The following ERMARD variants were observed in gnomAD, a reference collection of about 807,000 sequenced individuals.
ERMARD encodes endoplasmic reticulum membrane-associated RNA degradation protein.
A neutral mutation model predicts 83.9 loss-of-function variants in ERMARD; 71 were observed. The observed-to-expected ratio is 0.85, with a 90% CI of 0.70 to 1.03. ERMARD has a LOEUF of 1.03. Among genes scored for constraint, ERMARD ranks in the 50% least tolerant of loss-of-function variants. ERMARD has a pLI of 0.00. For missense variants in ERMARD, 838 were observed against 810.9 expected (o/e 1.03, Z -0.41); for synonymous variants, 284 against 298.6 (o/e 0.95, Z 0.50).
At chr6:169,769,375 C>T (rs1792610138) in intron 11 of ERMARD, among the ~76,000 whole-genome samples, 165 bp from the exon 12 acceptor site, 1 of 152,208 alleles carries the variant, frequency 6.6e-6, no homozygotes, top group African/African-American at 2.4e-5. Flanking sequence ...TCTCTGGCTC[C>T]CTGGTCTGTC....
intron 13 of ERMARD, among the ~76,000 whole-genome samples, chr6:169,774,651 C>T (rs900639707): frequency 2.2e-4 from 33 of 152,330 alleles, no homozygotes; most frequent in South Asian, 1.2e-3. Flanking sequence ...ATACCACCCA[C>T]GCTCACTGGT....
chr6:169,763,800 A>G (rs1011783653), intron 9 of ERMARD, among the ~76,000 whole-genome samples: 2 of 152,204 alleles, frequency 1.3e-5, no homozygotes, highest in Admixed American at 6.5e-5. Flanking sequence ...AACCCAACAC[A>G]TGGAAGTTTT....
chr6:169,777,956 T>A lies in ERMARD; in HGVS notation c.1740-1226T>A, dbSNP rs900463877. 3.9e-5 allele frequency among the ~76,000 whole-genome samples: 6 copies of A among 152,350 alleles called. No homozygotes were observed. In the South Asian group the frequency reaches 1.2e-3, roughly 32 times the overall value. On this transcript the variant is annotated intron_variant, in intron 16 of 17. Coordinates refer to ENST00000366773, the MANE Select transcript of ERMARD (RefSeq NM_018341.3). The stretch of plus-strand genomic sequence containing the variant: ...TGCTTATTCCAGTTCAGGGTCAGGG[T>A]TGTGGGTGGCTGGAGCCTATCCCGG...
At position 169,768,294 on chromosome 6, in the gene ERMARD, G is replaced by C. The variant is rs1362517161; in HGVS notation, c.1059+123G>C. 3.6e-6 allele frequency: 3 copies of C among 840,196 alleles called. No individual in the cohort carries two copies. The South Asian group carries it at 5.0e-5, about 14-fold the overall frequency. The allele number at this position is 840,196 out of a possible 1,614,324, so 52.0% of individuals were successfully genotyped here. On this transcript the variant is annotated intron_variant, in intron 11 of 17. Coordinates refer to ENST00000366773, the MANE Select transcript of ERMARD (RefSeq NM_018341.3). ...AGAAAAATACTTCTGAAACATTGCTGTGCTGTCTCAGCTTCAGCCACCAAT... is the reference window on the plus strand; with the variant it reads ...AGAAAAATACTTCTGAAACATTGCTCTGCTGTCTCAGCTTCAGCCACCAAT...
Position 169,758,869 on chromosome 6 carries a change from G to T in ERMARD, c.508-99G>T. 2.8e-6 allele frequency: 3 copies of T among 1,081,334 alleles called. No individual in the cohort carries two copies. In the South Asian group the frequency reaches 4.3e-5, roughly 16 times the overall value. The allele number at this position is 1,081,334 out of a possible 1,614,324, so 67.0% of individuals were successfully genotyped here. A position where few individuals can be genotyped will look rare whatever the true frequency, so the allele number is the denominator to read the frequency against. ...CTGCTATATACTAGCCAAAACTGTT[G>T]ACTCTCAGTTAAAAAGAGGAACACA... On this transcript the variant is annotated intron_variant, in intron 5 of 17. Coordinates refer to ENST00000366773, the MANE Select transcript of ERMARD (RefSeq NM_018341.3).
rs1791689831 is a variant in ERMARD at position 169,762,536 on chromosome 6, G to C, written c.960+5G>C. 1 of 1,609,326 alleles carries C rather than the reference G, an allele frequency of 6.2e-7. No homozygotes were observed. The highest frequency in any genetic ancestry group is 1.3e-5 in the African/African-American group (1 of 74,730). On this transcript the variant is annotated splice_donor_5th_base_variant and intron_variant, in intron 9 of 17. Transcript: ENST00000366773. ...AAAAGACTCCTGACTGCTGAGGTAA[G>C]CTTGTTTTTATTATTGATTGTGATC...
At chr6:169,776,228 CTG>C (rs1562349660) in intron 15 of ERMARD, 163 bp downstream of exon 15, 2 of 1,515,874 alleles carry the variant, frequency 1.3e-6, no homozygotes, top group African/African-American at 1.4e-5. Flanking sequence ...TTGACAATCT[CTG>C]TGCAAGCTTG....
At chr6:169,764,271 GT>G (rs552299964) in intron 9 of ERMARD, among the ~76,000 whole-genome samples, 15 of 142,846 alleles carry the variant, frequency 1.1e-4, no homozygotes, top group East Asian at 2.0e-4. Flanking sequence ...TTTTTTTTTG[GT>G]TTTTTTTTTT....
intron 14 of ERMARD, 29 bp from the exon 15 acceptor site, chr6:169,775,911 C>G: frequency 2.5e-6 from 4 of 1,612,288 alleles, no homozygotes; most frequent in Non-Finnish European, 3.4e-6. Flanking sequence ...TTAATTGTCA[C>G]GTATCTTTAA....
At chr6:169,768,647 C>A (rs1792507286) in intron 11 of ERMARD, among the ~76,000 whole-genome samples, 1 of 152,082 alleles carries the variant, frequency 6.6e-6, no homozygotes, top group Non-Finnish European at 1.5e-5. Context: ...ACTCCTGAGT[C>A]CCAGCTACTC....
chr6:169,751,842 C>T (rs1276590794), intron 1 of ERMARD, 179 bp downstream of exon 1: 2 of 950,028 alleles, frequency 2.1e-6, no homozygotes, highest in Non-Finnish European at 2.9e-6. Flanking sequence ...ATCGGACGCT[C>T]GGCCCTGCAA....
intron 5 of ERMARD, among the ~76,000 whole-genome samples, chr6:169,757,756 G>A (rs1270078515): frequency 6.6e-6 from 1 of 152,224 alleles, no homozygotes; most frequent in Non-Finnish European, 1.5e-5. Context: ...TCTGTCTTCA[G>A]TGGAGCTTTT....
intron 1 of ERMARD, 25 bp downstream of exon 1, chr6:169,751,688 C>G (rs1285158520): frequency 1.9e-6 from 3 of 1,544,850 alleles, no homozygotes; most frequent in African/African-American, 1.4e-5. Flanking sequence ...GGGCCCGGTT[C>G]GATCCCGAGC....
In ERMARD at chr6:169,755,550, G is replaced by A; in HGVS notation, c.315+128G>A. ...CTCCAGCGGTGAAGTGTTGAGGGTT[G>A]TAAGAGAACCCTGGGCTATTATGCA... On this transcript the variant is annotated intron_variant, in intron 3 of 17. Transcript: ENST00000366773. 1.7e-6 allele frequency: 2 copies of A among 1,174,760 alleles called. 1 individual carries two copies. The highest frequency in any genetic ancestry group is 3.2e-5 in the South Asian group (2 of 63,386). 72.8% of individuals were successfully genotyped at this position (1,174,760 alleles called of 1,614,324 possible).
intron 9 of ERMARD, among the ~76,000 whole-genome samples, chr6:169,766,233 G>A (rs529536533): frequency 7.5e-4 from 115 of 152,334 alleles, no homozygotes; most frequent in South Asian, 2.1e-3. Context: ...GAGAAGCAGC[G>A]TGCATGAAAT....
At chr6:169,772,344 C>T (rs1047456908) in intron 12 of ERMARD, among the ~76,000 whole-genome samples, 1 of 152,210 alleles carries the variant, frequency 6.6e-6, no homozygotes, top group Non-Finnish European at 1.5e-5. Flanking sequence ...GTGTACCTCC[C>T]GTTTTCTGCC....
chr6:169,756,440 G>A lies in ERMARD; in HGVS notation c.417+1G>A, dbSNP rs1790824472. On this transcript the variant is annotated splice_donor_variant, in intron 4 of 17. Transcript: ENST00000366773. LOFTEE classifies it high-confidence loss of function. The stretch of plus-strand genomic sequence containing the variant: ...GTGTCTAGAACGAGCCTTGGGTGAT[G>A]TAAGTGTGAGAACTCTTTCATTATT... The A allele has an allele frequency of 5.0e-6, 8 of 1,590,820 alleles. No individual in the cohort carries two copies. The South Asian group carries it at 7.9e-5, about 16-fold the overall frequency.
intron 5 of ERMARD, 91 bp from the exon 6 acceptor site, chr6:169,758,877 G>A: frequency 2.5e-6 from 3 of 1,219,894 alleles, no homozygotes; most frequent in Non-Finnish European, 3.5e-6. Context: ...TTGACTCTCA[G>A]TTAAAAAGAG....
Position 169,762,492 on chromosome 6 carries a change from C to T in ERMARD, c.921C>T (p.Ala307=), listed in dbSNP as rs760535940. The T allele has an allele frequency of 6.2e-7, 1 of 1,614,128 alleles. No homozygotes were observed. Among genetic ancestry groups the T allele is most frequent in the Non-Finnish European group, 8.5e-7 (1 of 1,180,010 alleles). Reference sequence around the variant, plus strand: ...AGACTGGACTTAGGAATGTTTTTGCCACACTTAACAGATGTCCAAAAAGAC... The same window carrying T: ...AGACTGGACTTAGGAATGTTTTTGCTACACTTAACAGATGTCCAAAAAGAC... ...QLETGLRNVF[A]TLNRCPKRLL... The change falls in exon 9 of 18, where the codon GCC becomes GCT. Residue 307 remains alanine (A), a synonymous_variant. Coordinates refer to ENST00000366773, the MANE Select transcript of ERMARD (RefSeq NM_018341.3).
Sources: gnomAD v4.1 joint callset for allele counts (sites outside exome capture counted in the v4.1 genomes callset) on GRCh38, gnomAD v4.1.1 for gene constraint, MANE v1.5 for transcripts, NCBI Gene and HGNC (gene_info 2026-07-23, HGNC 2026-07-21) for gene names.